The following ADAMTS2 variants were observed in gnomAD, a reference collection of about 807,000 sequenced individuals.
The protein encoded by ADAMTS2 is A disintegrin and metalloproteinase with thrombospondin motifs 2.
A neutral mutation model predicts 123.0 loss-of-function variants in ADAMTS2; 50 were observed. The observed-to-expected ratio is 0.41, with a 90% CI of 0.32 to 0.51. ADAMTS2 has a LOEUF of 0.51. Among genes scored for constraint, ADAMTS2 ranks in the 20% least tolerant of loss-of-function variants. The pLI, the probability that ADAMTS2 is intolerant of heterozygous loss-of-function variation, is 0.35. For missense variants in ADAMTS2, 1,494 were observed against 1,705.2 expected (o/e 0.88, Z 2.18); for synonymous variants, 678 against 695.4 (o/e 0.98, Z 0.39).
In ADAMTS2 at chr5:179,207,715, C is replaced by T. The variant is rs201261427; in HGVS notation, c.689G>A (p.Gly230Glu). Residue 230 changes from glycine (G) to glutamate (E), a missense_variant and splice_region_variant, in exon 4 of 22, where the codon GGG becomes GAG. Coordinates refer to ENST00000251582, the MANE Select transcript of ADAMTS2 (RefSeq NM_014244.5). ...GCTGTCCAGGCTGTCCAGGGAGGCC[C>T]CTGCAAGGAGAGGACACCGTCTTCA... ...PLGGPQALDT[G>E]ASLDSLDSLS... 3.7e-6 allele frequency: 6 copies of T among 1,610,366 alleles called. No homozygotes were observed. The highest frequency in any genetic ancestry group is 4.2e-6 in the Non-Finnish European group (5 of 1,179,954).
chr5:179,189,558 A>C lies in ADAMTS2; in HGVS notation c.892-8403T>G, dbSNP rs544506138. Among the ~76,000 whole-genome samples the C allele has an allele frequency of 0.013, 1,530 of 122,268 alleles. 30 individuals are homozygous for C. Among genetic ancestry groups the C allele is most frequent in the African/African-American group, 0.042 (1,283 of 30,790 alleles). The allele number at this position is 122,268 out of a possible 152,430, so 80.2% of individuals were successfully genotyped here. A position where few individuals can be genotyped will look rare whatever the true frequency, so the allele number is the denominator to read the frequency against. On this transcript the variant is annotated intron_variant, in intron 4 of 21. Coordinates refer to ENST00000251582, the MANE Select transcript of ADAMTS2 (RefSeq NM_014244.5). The surrounding 1 kb of genome is among the most constrained non-coding windows in gnomAD (Gnocchi z 4.2). ...TTTTTTAGTAGAGGCAGGGTTTCAC[A>C]ATGTTAGCCAGGATGGTCTTGATCT...
In ADAMTS2 at chr5:179,130,718, G is replaced by A. The variant is rs1012001871; in HGVS notation, c.2291-620C>T. On this transcript the variant is annotated intron_variant, in intron 15 of 21. Coordinates refer to ENST00000251582, the MANE Select transcript of ADAMTS2 (RefSeq NM_014244.5). The surrounding 1 kb of genome is among the most constrained non-coding windows in gnomAD (Gnocchi z 4.3). The stretch of plus-strand genomic sequence containing the variant: ...GCTCTCTGCAGTGTGGGGGGTGGCT[G>A]CTGCGGGGCAGCTGGGTGATGTGAG... Among the ~76,000 whole-genome samples the A allele has an allele frequency of 3.9e-5, 6 of 152,212 alleles. No homozygotes were observed. Among genetic ancestry groups the A allele is most frequent in the African/African-American group, 1.4e-4 (6 of 41,466 alleles).
intron 2 of ADAMTS2, among the ~76,000 whole-genome samples, chr5:179,295,291 T>C (rs550053913): frequency 1.6e-4 from 24 of 152,266 alleles, no homozygotes; most frequent in African/African-American, 4.3e-4. Context: ...TACAGCCCAG[T>C]AGGCAGACCT....
intron 2 of ADAMTS2, among the ~76,000 whole-genome samples, chr5:179,331,380 G>C (rs918060432): frequency 4.2e-5 from 4 of 94,820 alleles, no homozygotes; most frequent in Non-Finnish European, 8.6e-5. Flanking sequence ...AGAGAGGAGG[G>C]AAGGGGAGGA....
Position 179,242,261 on chromosome 5 carries a change from G to A in ADAMTS2, c.688+30650C>T, listed in dbSNP as rs905935013. Among the ~76,000 whole-genome samples, 3 of 152,160 alleles carry A rather than the reference G, an allele frequency of 2.0e-5. No homozygotes were observed. Among genetic ancestry groups the A allele is most frequent in the East Asian group, 3.8e-4 (2 of 5,198 alleles). ...CCTTGGCAGCCTCGTGTGGGCCAGC[G>A]GTGCCTGCTGTCTTGCTCGCGTGTG... On this transcript the variant is annotated intron_variant, in intron 3 of 21. Coordinates refer to ENST00000251582, the MANE Select transcript of ADAMTS2 (RefSeq NM_014244.5). This position sits in a 1 kb window ranked among gnomAD's most constrained non-coding sequence, Gnocchi z 4.2.
intron 2 of ADAMTS2, among the ~76,000 whole-genome samples, chr5:179,287,049 G>T (rs1581247613): frequency 6.6e-6 from 1 of 152,194 alleles, no homozygotes; most frequent in Non-Finnish European, 1.5e-5. Flanking sequence ...GGGATCTAGG[G>T]AGGGCGTCAC....
chr5:179,132,985 C>T lies in ADAMTS2; in HGVS notation c.2086-85G>A. 1 of 1,547,860 alleles carries T rather than the reference C, an allele frequency of 6.5e-7. No individual in the cohort carries two copies. On this transcript the variant is annotated intron_variant, in intron 13 of 21. Transcript: ENST00000251582. This position sits in a 1 kb window ranked among gnomAD's most constrained non-coding sequence, Gnocchi z 6.1. ...CTATGTTGCCCCCAGTCTCGAACAC[C>T]TGGCCTCAAGCGATCCTCCTGCCTT...
chr5:179,298,433 A>G (rs1756406122), intron 2 of ADAMTS2, among the ~76,000 whole-genome samples: 1 of 152,098 alleles, frequency 6.6e-6, no homozygotes, highest in South Asian at 2.1e-4. Flanking sequence ...ACACAGCAAG[A>G]AGGCCCCAGC....
intron 4 of ADAMTS2, among the ~76,000 whole-genome samples, chr5:179,203,128 C>T (rs188916362): frequency 3.9e-5 from 6 of 152,232 alleles, no homozygotes; most frequent in Non-Finnish European, 7.3e-5. Flanking sequence ...GGAGCTGTGC[C>T]TGCACTCAGC....
At chr5:179,210,849 A>G (rs917938917) in intron 3 of ADAMTS2, among the ~76,000 whole-genome samples, 1 of 152,188 alleles carries the variant, frequency 6.6e-6, no homozygotes, top group African/African-American at 2.4e-5. Flanking sequence ...AGTTTTCCCC[A>G]CAATAAGATT....
At position 179,152,196 on chromosome 5, in the gene ADAMTS2, A is replaced by G; in HGVS notation, c.1575T>C (p.Phe525=). ...LWCSHPDNPY[F]CKTKKGPPLD... The stretch of plus-strand genomic sequence containing the variant: ...AGGGGGGCCCCTTCTTGGTCTTGCA[A>G]AAGTAGGGGTTGTCAGGATGGCTGC... The change falls in exon 10 of 22, where the codon TTT becomes TTC. Residue 525 remains phenylalanine (F), a synonymous_variant. Coordinates refer to ENST00000251582, the MANE Select transcript of ADAMTS2 (RefSeq NM_014244.5). 6.2e-7 allele frequency: 1 copy of G among 1,613,972 alleles called. No homozygotes were observed. The highest frequency in any genetic ancestry group is 8.5e-7 in the Non-Finnish European group (1 of 1,179,896).
rs1356480909 is a variant in ADAMTS2, at chr5:179,272,975, C to T, written c.624G>A (p.Val208=). Residue 208 remains valine (V), a synonymous_variant, in exon 3 of 22, where the codon GTG becomes GTA. Transcript: ENST00000251582. This position sits in a 1 kb window ranked among gnomAD's most constrained non-coding sequence, Gnocchi z 5.8. ...TGGGTGGCCGGCGATACACCACATGCACACGGCCTTGCTCAGCCTCCTGCG... is the reference window on the plus strand; with the variant it reads ...TGGGTGGCCGGCGATACACCACATGTACACGGCCTTGCTCAGCCTCCTGCG... The part of the protein sequence containing the change: ...LAAQEAEQGR[V]HVVYRRPPTS... 3.1e-6 allele frequency: 5 copies of T among 1,612,912 alleles called. No individual in the cohort carries two copies. The highest frequency in any genetic ancestry group is 1.1e-5 in the South Asian group (1 of 91,070).
intron 3 of ADAMTS2, among the ~76,000 whole-genome samples, chr5:179,255,667 G>C (rs1043420400): frequency 6.6e-6 from 1 of 152,156 alleles, no homozygotes; most frequent in Middle Eastern, 3.4e-3. Context: ...CCCTGAGGTA[G>C]AGCCGTCTCC....
intron 3 of ADAMTS2, among the ~76,000 whole-genome samples, chr5:179,226,461 G>A (rs1394071449): frequency 6.7e-6 from 1 of 148,808 alleles, no homozygotes; most frequent in African/African-American, 2.5e-5. Flanking sequence ...ATTTTTAGTA[G>A]AGACAGGATT....
intron 3 of ADAMTS2, among the ~76,000 whole-genome samples, chr5:179,218,612 C>T (rs1765054772): frequency 6.6e-6 from 1 of 152,232 alleles, no homozygotes; most frequent in Non-Finnish European, 1.5e-5. Context: ...TCATCCAATG[C>T]CATTTTTATG....
intron 3 of ADAMTS2, among the ~76,000 whole-genome samples, chr5:179,240,474 G>C (rs1424950940): frequency 6.6e-6 from 1 of 152,206 alleles, no homozygotes; most frequent in Non-Finnish European, 1.5e-5. Flanking sequence ...ATGGCCTGCA[G>C]GTTTGCTGGA....
chr5:179,240,258 C>T (rs1765632770), intron 3 of ADAMTS2, among the ~76,000 whole-genome samples: 1 of 152,174 alleles, frequency 6.6e-6, no homozygotes, highest in African/African-American at 2.4e-5. Context: ...AGAGCAGAAG[C>T]AGGGCTGAGC....
intron 3 of ADAMTS2, among the ~76,000 whole-genome samples, chr5:179,240,241 G>T (rs1389475218): frequency 6.6e-6 from 1 of 152,208 alleles, no homozygotes; most frequent in Non-Finnish European, 1.5e-5. Context: ...GAACATCATC[G>T]TAAGCAAGAG....
chr5:179,251,436 G>A (rs1055784380), intron 3 of ADAMTS2, among the ~76,000 whole-genome samples: 4 of 152,014 alleles, frequency 2.6e-5, no homozygotes, highest in East Asian at 1.9e-4. Flanking sequence ...ATTAAACAAC[G>A]AGGCCAGTGC....
Sources: gnomAD v4.1 joint callset for allele counts (sites outside exome capture counted in the v4.1 genomes callset) on GRCh38, gnomAD v4.1.1 for gene constraint, Gnocchi (gnomAD v3.1) non-coding constraint, MANE v1.5 for transcripts, NCBI Gene and HGNC (gene_info 2026-07-23, HGNC 2026-07-21) for gene names.